ARPP21: variants seen among roughly 807,000 people sequenced by gnomAD.
The protein encoded by ARPP21 is cAMP-regulated phosphoprotein 21.
Under a neutral mutation model 113.2 loss-of-function variants are expected in ARPP21, and 69 were observed. The observed-to-expected ratio is 0.61, with a 90% CI of 0.50 to 0.74. The LOEUF (loss-of-function observed/expected upper bound fraction) is 0.74. Ranked by LOEUF, ARPP21 falls within the 30% of genes least tolerant of loss-of-function variation. The pLI, the probability that ARPP21 is intolerant of heterozygous loss-of-function variation, is 0.00. For missense variants in ARPP21, 1,070 were observed against 1,037.4 expected (o/e 1.03, Z -0.43); for synonymous variants, 368 against 375.5 (o/e 0.98, Z 0.23).
chr3:35,735,273 A>G (rs2094273475), intron 15 of ARPP21, among the ~76,000 whole-genome samples: 1 of 151,972 alleles, frequency 6.6e-6, no homozygotes, highest in South Asian at 2.1e-4. Flanking sequence ...CACCATGTCC[A>G]GCTAATTTTT....
intron 1 of ARPP21, among the ~76,000 whole-genome samples, chr3:35,668,029 G>GAAA (rs1559550871): frequency 2.8e-5 from 4 of 141,892 alleles, no homozygotes; most frequent in African/African-American, 1.0e-4. Context: ...AGAAGAAGAA[G>GAAA]AAGGAGAAGA....
chr3:35,768,760 A>G (rs893697088), intron 19 of ARPP21, among the ~76,000 whole-genome samples: 10 of 152,180 alleles, frequency 6.6e-5, no homozygotes, highest in Non-Finnish European at 4.4e-5. Context: ...AATCATTACC[A>G]TAATACAGTG....
intron 2 of ARPP21, among the ~76,000 whole-genome samples, chr3:35,680,407 T>C (rs762688292): frequency 6.6e-6 from 1 of 151,952 alleles, no homozygotes; most frequent in Non-Finnish European, 1.5e-5. Context: ...AACCTCCTTT[T>C]GCATTCCCAC....
At chr3:35,719,231 G>C (rs371779007) in intron 13 of ARPP21, among the ~76,000 whole-genome samples, 74 of 152,260 alleles carry the variant, frequency 4.9e-4, no homozygotes, top group African/African-American at 1.7e-3. Context: ...TAAGATGATA[G>C]TGCAATATAA....
At chr3:35,748,251 GAA>G (rs1168919919) in intron 19 of ARPP21, among the ~76,000 whole-genome samples, 1 of 130,138 alleles carries the variant, frequency 7.7e-6, no homozygotes, top group Middle Eastern at 5.0e-3. Flanking sequence ...AAGAAAGAAA[GAA>G]AGAGAAAGGA....
intron 1 of ARPP21, among the ~76,000 whole-genome samples, chr3:35,652,404 A>G (rs1303325803): frequency 6.6e-6 from 1 of 152,150 alleles, no homozygotes; most frequent in Non-Finnish European, 1.5e-5. Context: ...GGATCTAGCA[A>G]GAGAAGAGAG....
At chr3:35,782,764 C>T (rs1414387072) in intron 19 of ARPP21, among the ~76,000 whole-genome samples, 3 of 152,118 alleles carry the variant, frequency 2.0e-5, no homozygotes, top group African/African-American at 4.8e-5. Flanking sequence ...CTAATTCTTA[C>T]ATTTATACCA....
At chr3:35,716,819 C>T (rs1015457655) in intron 12 of ARPP21, among the ~76,000 whole-genome samples, 40 of 151,856 alleles carry the variant, frequency 2.6e-4, no homozygotes, top group African/African-American at 8.0e-4. Context: ...AATAATTGGT[C>T]ACATATATAT....
At chr3:35,788,090 A>G (rs149989901) in intron 19 of ARPP21, among the ~76,000 whole-genome samples, 15 of 152,330 alleles carry the variant, frequency 9.8e-5, no homozygotes, top group Admixed American at 5.9e-4. Flanking sequence ...CAAAGAAGAT[A>G]AAGTACAGAA....
At chr3:35,709,413 TTTC>T (rs1029237718) in intron 11 of ARPP21, among the ~76,000 whole-genome samples, 1 of 152,204 alleles carries the variant, frequency 6.6e-6, no homozygotes, top group African/African-American at 2.4e-5. Flanking sequence ...CTAGTGTTGT[TTTC>T]TTTTTAATAA....
chr3:35,700,158 T>C (rs1383613449), intron 9 of ARPP21, among the ~76,000 whole-genome samples: 2 of 151,774 alleles, frequency 1.3e-5, no homozygotes, highest in African/African-American at 4.8e-5. Flanking sequence ...CCCAAGCAAG[T>C]TAAGTATTTT....
At chr3:35,750,506 G>A (rs1310424487) in intron 19 of ARPP21, among the ~76,000 whole-genome samples, 2 of 152,158 alleles carry the variant, frequency 1.3e-5, no homozygotes, top group Non-Finnish European at 2.9e-5. Flanking sequence ...TTAGTTGAAT[G>A]TCCCATAAGC....
intron 6 of ARPP21, 48 bp downstream of exon 6, chr3:35,687,931 T>G (rs1457009516): frequency 6.5e-7 from 1 of 1,531,472 alleles, no homozygotes; most frequent in African/African-American, 1.4e-5. Context: ...GGCACACACA[T>G]AGTCACAGAA....
At chr3:35,659,357 A>G (rs1254977908) in intron 1 of ARPP21, among the ~76,000 whole-genome samples, 9 of 152,198 alleles carry the variant, frequency 5.9e-5, no homozygotes, top group Non-Finnish European at 8.8e-5. Flanking sequence ...GATAATATGA[A>G]TATAATATAA....
intron 1 of ARPP21, among the ~76,000 whole-genome samples, chr3:35,661,108 G>C (rs899058320): frequency 2.0e-5 from 3 of 152,044 alleles, no homozygotes; most frequent in African/African-American, 7.2e-5. Flanking sequence ...GGCATAACAA[G>C]GCCTAATTAC....
chr3:35,739,210 C>CT lies in ARPP21; in HGVS notation c.1750-106dup, dbSNP rs1045272442. The CT allele has an allele frequency of 7.6e-6, 10 of 1,309,060 alleles. No homozygotes were observed. In the African/African-American group the frequency reaches 1.5e-4, roughly 19 times the overall value. 81.1% of individuals were successfully genotyped at this position (1,309,060 alleles called of 1,614,324 possible). On this transcript the variant is annotated intron_variant, in intron 17 of 20. Transcript: ENST00000684406. ...TTTTATTTTTTCCAAATTGTACTTC[C>CT]TGTCTCTCCCACAACTCCAAGAATG...
chr3:35,744,034 G>A, intron 19 of ARPP21, 69 bp downstream of exon 19: 1 of 1,541,442 alleles, frequency 6.5e-7, no homozygotes, highest in South Asian at 1.1e-5. Context: ...TGTACTCTTT[G>A]GATGAGTGTC....
chr3:35,658,824 C>T (rs934498255), intron 1 of ARPP21, among the ~76,000 whole-genome samples: 1 of 151,926 alleles, frequency 6.6e-6, no homozygotes, highest in Admixed American at 6.6e-5. Flanking sequence ...AGAGAGTGTA[C>T]AAATGTTACT....
intron 1 of ARPP21, among the ~76,000 whole-genome samples, chr3:35,676,539 T>C (rs1055130128): frequency 1.3e-5 from 1 of 76,190 alleles, no homozygotes; most frequent in African/African-American, 4.8e-5. Context: ...GGCATTTTCA[T>C]GATGGCTCAA....
Sources: allele counts gnomAD v4.1 joint callset (sites outside exome capture counted in the v4.1 genomes callset), GRCh38; gene constraint gnomAD v4.1.1; transcripts MANE v1.5; gene names NCBI Gene and HGNC (gene_info 2026-07-23, HGNC 2026-07-21).